The following KCNAB1 variants were observed in gnomAD, a reference collection of about 807,000 sequenced individuals.
The protein encoded by KCNAB1 is voltage-gated potassium channel subunit beta-1.
In KCNAB1, 35 loss-of-function variants were observed where a neutral mutation model predicts 64.6. The ratio of observed to expected loss-of-function variants is 0.54; its 90% CI spans 0.41 to 0.72. The LOEUF is 0.72. KCNAB1 is among the 30% of genes least tolerant of loss of function. KCNAB1 has a pLI of 0.00. For synonymous variants in KCNAB1, 177 were observed against 183.8 expected, an observed-to-expected ratio of 0.96 and a Z score of 0.30; for missense variants, 401 against 512.9, an observed-to-expected ratio of 0.78 and a Z score of 2.11.
chr3:156,314,171 G>A lies in KCNAB1; in HGVS notation c.276-107445G>A, dbSNP rs573140165. ...TTCAACCAGTATTTATTGAGCATATGCTATATACTGGGCACAGTTCAGAGC... is the reference window on the plus strand; with the variant it reads ...TTCAACCAGTATTTATTGAGCATATACTATATACTGGGCACAGTTCAGAGC... On this transcript the variant is annotated intron_variant, in intron 1 of 13. Transcript: ENST00000490337. 2.0e-5 allele frequency among the ~76,000 whole-genome samples: 3 copies of A among 152,342 alleles called. No individual in the cohort carries two copies. The South Asian group carries it at 6.2e-4, about 32-fold the overall frequency.
intron 1 of KCNAB1, among the ~76,000 whole-genome samples, chr3:156,349,281 C>G (rs1395230858): frequency 6.6e-6 from 1 of 152,166 alleles, no homozygotes; most frequent in Non-Finnish European, 1.5e-5. Context: ...GTTCCCACCA[C>G]TGATGGACTG....
chr3:156,381,142 C>CA (rs1254028842), intron 1 of KCNAB1, among the ~76,000 whole-genome samples: 3 of 151,834 alleles, frequency 2.0e-5, no homozygotes, highest in Non-Finnish European at 4.4e-5. Flanking sequence ...AAAAACAAAC[C>CA]AAAAAAGCGC....
intron 1 of KCNAB1, among the ~76,000 whole-genome samples, chr3:156,151,631 C>A (rs1199871988): frequency 6.6e-6 from 1 of 152,130 alleles, no homozygotes; most frequent in African/African-American, 2.4e-5. Context: ...TCCTTACAAC[C>A]CACCTCTCCA....
intron 1 of KCNAB1, among the ~76,000 whole-genome samples, chr3:156,230,772 G>C (rs776817179): frequency 1.1e-4 from 17 of 152,206 alleles, no homozygotes; most frequent in Non-Finnish European, 2.9e-5. Flanking sequence ...GATCTAAGTA[G>C]TAGACACAGG....
intron 1 of KCNAB1, among the ~76,000 whole-genome samples, chr3:156,154,108 C>A (rs78826288): frequency 0.017 from 2,638 of 152,288 alleles, 48 homozygotes; most frequent in South Asian, 0.031. Context: ...GTTACCTTGA[C>A]CAGAATGAGA....
chr3:156,232,871 C>T, intron 1 of KCNAB1, among the ~76,000 whole-genome samples: 1 of 152,080 alleles, frequency 6.6e-6, no homozygotes, highest in East Asian at 1.9e-4. Context: ...TTCAGAAAAA[C>T]ACAGAAATAG....
chr3:156,322,231 T>A (rs756198970), intron 1 of KCNAB1, among the ~76,000 whole-genome samples: 16 of 152,230 alleles, frequency 1.1e-4, no homozygotes, highest in Admixed American at 7.2e-4. Flanking sequence ...TGGTTTTGAT[T>A]ATTCTCCTGT....
At chr3:156,531,611 G>A in intron 13 of KCNAB1, 114 bp downstream of exon 13, 6 of 797,142 alleles carry the variant, frequency 7.5e-6, no homozygotes, top group South Asian at 7.0e-5. Flanking sequence ...AGAGTAGGGG[G>A]AACAAAGGCA....
At chr3:156,276,582 G>T (rs148648735) in intron 1 of KCNAB1, among the ~76,000 whole-genome samples, 341 of 152,286 alleles carry the variant, frequency 2.2e-3, no homozygotes, top group Non-Finnish European at 2.4e-3. Context: ...ATCTTAGCTA[G>T]ATCTTTTGGA....
intron 1 of KCNAB1, among the ~76,000 whole-genome samples, chr3:156,335,650 T>C (rs1179985106): frequency 2.0e-5 from 3 of 152,246 alleles, no homozygotes; most frequent in African/African-American, 7.2e-5. Context: ...CTGGAACATA[T>C]CATTTTCAAC....
At chr3:156,172,486 G>A (rs1256718664) in intron 1 of KCNAB1, among the ~76,000 whole-genome samples, 1 of 152,114 alleles carries the variant, frequency 6.6e-6, no homozygotes, top group African/African-American at 2.4e-5. Flanking sequence ...CGCCATGTTG[G>A]CCAGGCTGGT....
At chr3:156,237,893 C>A (rs1172051938) in intron 1 of KCNAB1, among the ~76,000 whole-genome samples, 1 of 152,190 alleles carries the variant, frequency 6.6e-6, no homozygotes, top group African/African-American at 2.4e-5. Context: ...GAACCAGGGC[C>A]GTTTCTGTCC....
chr3:156,331,373 G>T (rs529722933), intron 1 of KCNAB1, among the ~76,000 whole-genome samples: 1 of 152,302 alleles, frequency 6.6e-6, no homozygotes, highest in East Asian at 1.9e-4. Flanking sequence ...CAGTGGTACC[G>T]AATTGCTGGA....
chr3:156,529,063 G>A (rs770857324), intron 12 of KCNAB1, among the ~76,000 whole-genome samples: 3 of 152,042 alleles, frequency 2.0e-5, no homozygotes, highest in Admixed American at 6.5e-5. Context: ...TGACTGAGGA[G>A]GAGAAGACAG....
intron 1 of KCNAB1, among the ~76,000 whole-genome samples, chr3:156,383,637 T>C (rs1439866655): frequency 6.6e-6 from 1 of 152,218 alleles, no homozygotes; most frequent in African/African-American, 2.4e-5. Context: ...CCCACCCTGA[T>C]ACTTGGCAAA....
intron 8 of KCNAB1, among the ~76,000 whole-genome samples, chr3:156,501,491 A>G (rs1321255897): frequency 8.1e-6 from 1 of 123,618 alleles, no homozygotes; most frequent in Non-Finnish European, 1.6e-5. Context: ...AATCGCAATG[A>G]TGTGGTCTTG....
chr3:156,189,951 A>T (rs1353812), intron 1 of KCNAB1, among the ~76,000 whole-genome samples: 5 of 152,066 alleles, frequency 3.3e-5, no homozygotes, highest in Admixed American at 6.5e-5. Flanking sequence ...CCTTTTTGAC[A>T]GGTGTAATGT....
At chr3:156,169,024 A>G (rs1404816498) in intron 1 of KCNAB1, among the ~76,000 whole-genome samples, 1 of 152,134 alleles carries the variant, frequency 6.6e-6, no homozygotes, top group East Asian at 1.9e-4. Flanking sequence ...CACTGATGCT[A>G]TATCATATGA....
At chr3:156,291,587 T>G in intron 1 of KCNAB1, 1 of 1,232,294 alleles carries the variant, frequency 8.1e-7, no homozygotes. Context: ...CCCCACTGCA[T>G]GGATTTGGCT....
Sources: allele counts gnomAD v4.1 joint callset (sites outside exome capture counted in the v4.1 genomes callset), GRCh38; gene constraint gnomAD v4.1.1; transcripts MANE v1.5; gene names NCBI Gene and HGNC (gene_info 2026-07-23, HGNC 2026-07-21).